Variants in ZBTB20 observed in about 807,000 individuals in gnomAD.
The protein encoded by ZBTB20 is zinc finger and BTB domain-containing protein 20.
In ZBTB20, 9 loss-of-function variants were observed where a neutral mutation model predicts 56.9. The ratio of observed to expected loss-of-function variants is 0.16; its 90% CI spans 0.10 to 0.28. ZBTB20 has a LOEUF of 0.28. Among genes scored for constraint, ZBTB20 ranks in the 10% least tolerant of loss-of-function variants. The pLI is 1.00. For missense variants in ZBTB20, 655 were observed against 1,003.0 expected, an observed-to-expected ratio of 0.65 and a Z score of 4.69; for synonymous variants, 417 against 420.7, an observed-to-expected ratio of 0.99 and a Z score of 0.11.
intron 5 of ZBTB20, among the ~76,000 whole-genome samples, chr3:114,736,353 T>C (rs899976154): frequency 6.6e-6 from 1 of 152,202 alleles, no homozygotes; most frequent in African/African-American, 2.4e-5. Flanking sequence ...TGCTTTCTTT[T>C]GGTTATTTTT....
chr3:115,062,646 C>G (rs892625208), intron 2 of ZBTB20, among the ~76,000 whole-genome samples: 2 of 151,980 alleles, frequency 1.3e-5, no homozygotes, highest in African/African-American at 4.8e-5. Context: ...TTTGAGCACA[C>G]TCATACTAGA....
chr3:114,356,075 G>A (rs2081220670), intron 10 of ZBTB20: 2 of 152,214 alleles, frequency 1.3e-5, no homozygotes, highest in African/African-American at 4.8e-5. Context: ...GAGTCAGCTT[G>A]TGATGGCATT....
intron 4 of ZBTB20, among the ~76,000 whole-genome samples, chr3:114,830,243 A>G (rs143729207): frequency 6.6e-6 from 1 of 152,056 alleles, no homozygotes; most frequent in East Asian, 1.9e-4. Flanking sequence ...TGAACTTACC[A>G]AACAGACAAA....
At position 114,426,801 on chromosome 3, in the gene ZBTB20, A is replaced by C. The variant is rs145903233; in HGVS notation, c.-254-37696T>G. Among the ~76,000 whole-genome samples the C allele has an allele frequency of 4.6e-5, 7 of 152,240 alleles. No homozygotes were observed. In the East Asian group the frequency reaches 1.4e-3, roughly 29 times the overall value. On this transcript the variant is annotated intron_variant, in intron 7 of 11. Coordinates refer to ENST00000675478, the MANE Select transcript of ZBTB20 (RefSeq NM_001348800.3). ...AGAACCACTCCACCCACCTTTCCACACATTTCAGAAAAAAATTATATTTTT... is the reference window on the plus strand; with the variant it reads ...AGAACCACTCCACCCACCTTTCCACCCATTTCAGAAAAAAATTATATTTTT...
intron 7 of ZBTB20, among the ~76,000 whole-genome samples, chr3:114,440,555 C>T (rs2090846266): frequency 6.6e-6 from 1 of 152,142 alleles, no homozygotes; most frequent in South Asian, 2.1e-4. Flanking sequence ...TGTGGTTGCT[C>T]TAAATTTACA....
At chr3:115,126,703 A>G (rs1004970448) in intron 1 of ZBTB20, among the ~76,000 whole-genome samples, 1 of 152,212 alleles carries the variant, frequency 6.6e-6, no homozygotes, top group African/African-American at 2.4e-5. Flanking sequence ...TTAAAAGTTT[A>G]TAAGTGGTAA....
intron 5 of ZBTB20, among the ~76,000 whole-genome samples, chr3:114,769,370 A>G (rs1018032170): frequency 1.3e-5 from 2 of 151,678 alleles, no homozygotes; most frequent in African/African-American, 4.9e-5. Context: ...GTGCATATAT[A>G]TATTATATAC....
chr3:115,074,475 A>T (rs750956460), intron 1 of ZBTB20, among the ~76,000 whole-genome samples: 4 of 152,166 alleles, frequency 2.6e-5, no homozygotes, highest in Non-Finnish European at 4.4e-5. Flanking sequence ...AACTAACTAC[A>T]CTGTGCTACT....
chr3:114,586,691 T>C (rs2055203693), intron 6 of ZBTB20, among the ~76,000 whole-genome samples: 1 of 152,212 alleles, frequency 6.6e-6, no homozygotes, highest in African/African-American at 2.4e-5. Flanking sequence ...TAATAGTGAA[T>C]GGAGACCCTG....
chr3:114,859,678 C>T (rs2075424314), intron 4 of ZBTB20, among the ~76,000 whole-genome samples: 1 of 149,728 alleles, frequency 6.7e-6, no homozygotes, highest in African/African-American at 2.5e-5. Context: ...ATATAGCATG[C>T]TCTAAGCAAA....
intron 3 of ZBTB20, among the ~76,000 whole-genome samples, chr3:114,900,986 G>A (rs9832105): frequency 0.015 from 2,285 of 152,272 alleles, 39 homozygotes; most frequent in Non-Finnish European, 0.018. Flanking sequence ...TATTGATACA[G>A]AAGACTATGT....
chr3:114,905,014 A>T (rs1432685060), intron 3 of ZBTB20, among the ~76,000 whole-genome samples: 1 of 151,966 alleles, frequency 6.6e-6, no homozygotes, highest in South Asian at 2.1e-4. Flanking sequence ...AAATGAAAGA[A>T]TTTAATATCA....
intron 4 of ZBTB20, among the ~76,000 whole-genome samples, chr3:114,813,470 G>T (rs2072701204): frequency 6.6e-6 from 1 of 152,118 alleles, no homozygotes; most frequent in Non-Finnish European, 1.5e-5. Flanking sequence ...AAAAAAATAG[G>T]CTAGGCATGG....
In ZBTB20 at chr3:114,320,031, G is replaced by A. The variant is rs1156651888; in HGVS notation, c.*18974C>T. ...TGGGCATTAATTGCAATAATGACAA[G>A]ATCTCTGCTCTCAGAGGAATGCTCT... is the stretch of plus-strand genomic sequence containing the variant. On this transcript the variant is annotated 3_prime_UTR_variant, in exon 12 of 12. Transcript: ENST00000675478. 6.6e-6 allele frequency: 1 copy of A among 152,120 alleles called. No homozygotes were observed. Among genetic ancestry groups the A allele is most frequent in the Non-Finnish European group, 1.5e-5 (1 of 68,016 alleles). 9.4% of individuals were successfully genotyped at this position (152,120 alleles called of 1,614,324 possible).
intron 7 of ZBTB20, among the ~76,000 whole-genome samples, chr3:114,461,295 C>T (rs2092317632): frequency 6.8e-6 from 1 of 146,354 alleles, no homozygotes; most frequent in Non-Finnish European, 1.5e-5. Flanking sequence ...AAACAATCTC[C>T]TCCCCCCCCC....
intron 6 of ZBTB20, among the ~76,000 whole-genome samples, chr3:114,598,405 T>C: frequency 2.0e-4 from 1 of 5,012 alleles, no homozygotes; most frequent in African/African-American, 2.5e-4. Flanking sequence ...GTAAAGTTGC[T>C]AAAAAAAAAA....
At chr3:115,111,753 G>T (rs1456383900) in intron 1 of ZBTB20, among the ~76,000 whole-genome samples, 1 of 152,118 alleles carries the variant, frequency 6.6e-6, no homozygotes, top group Non-Finnish European at 1.5e-5. Flanking sequence ...ATAAATTAGA[G>T]AAGTTTTAGG....
At chr3:114,542,959 C>T (rs957363747) in intron 6 of ZBTB20, among the ~76,000 whole-genome samples, 1 of 152,144 alleles carries the variant, frequency 6.6e-6, no homozygotes, top group African/African-American at 2.4e-5. Flanking sequence ...TATACTGAAA[C>T]TATGAATCAC....
chr3:114,910,647 C>T (rs945795035), intron 3 of ZBTB20, among the ~76,000 whole-genome samples: 2 of 151,720 alleles, frequency 1.3e-5, no homozygotes, highest in African/African-American at 4.8e-5. Flanking sequence ...TGTATATCAG[C>T]CATATAAGTG....
Sources: allele counts gnomAD v4.1 joint callset (sites outside exome capture counted in the v4.1 genomes callset), GRCh38; gene constraint gnomAD v4.1.1; transcripts MANE v1.5; gene names NCBI Gene and HGNC (gene_info 2026-07-23, HGNC 2026-07-21).